The following DNAH9 variants were observed in gnomAD, a reference collection of about 807,000 sequenced individuals.
DNAH9 encodes DNAH9 variant protein.
Under a neutral mutation model 471.6 loss-of-function variants are expected in DNAH9, and 345 were observed. The observed-to-expected ratio is 0.73, with a 90% CI of 0.67 to 0.80. The LOEUF (loss-of-function observed/expected upper bound fraction) is 0.80, where lower values mean the gene tolerates loss of function less well. Among genes scored for constraint, DNAH9 ranks in the 30% least tolerant of loss-of-function variants. The probability of loss-of-function intolerance (pLI) is 0.00; values close to 1 mark genes in which losing one functional copy is unlikely to be tolerated. For missense variants in DNAH9, 5,407 were observed against 5,609.2 expected (o/e 0.96, Z 1.15); for synonymous variants, 2,093 against 2,123.6 (o/e 0.99, Z 0.40).
intron 26 of DNAH9, among the ~76,000 whole-genome samples, chr17:11,718,221 A>C (rs905569820): frequency 1.8e-4 from 27 of 152,164 alleles, no homozygotes; most frequent in African/African-American, 5.3e-4. Context: ...CACTTAGCAT[A>C]ATGTTTTTGA....
intron 39 of DNAH9, 103 bp downstream of exon 39, chr17:11,781,277 C>T: frequency 8.0e-7 from 1 of 1,242,670 alleles, no homozygotes; most frequent in Admixed American, 2.8e-5. Context: ...CAGCATAGCT[C>T]TGGTGCCAGA....
At chr17:11,934,435 ATTTTTTTTTTTTTT>A (rs547023975) in intron 65 of DNAH9, among the ~76,000 whole-genome samples, 1,559 of 86,132 alleles carry the variant, frequency 0.018, 51 homozygotes, top group African/African-American at 0.066. Flanking sequence ...TGACAAACCC[ATTTTTTTTTTTTTT>A]TTTTTTTTTT....
At chr17:11,805,318 G>C (rs576938803) in intron 43 of DNAH9, among the ~76,000 whole-genome samples, 5 of 151,956 alleles carry the variant, frequency 3.3e-5, no homozygotes, top group African/African-American at 1.2e-4. Flanking sequence ...TTGTTCATGC[G>C]TTGAACCCCA....
chr17:11,853,409 C>T (rs984620580), intron 49 of DNAH9, among the ~76,000 whole-genome samples: 2 of 152,104 alleles, frequency 1.3e-5, no homozygotes, highest in African/African-American at 4.8e-5. Context: ...CTCTTTCAGC[C>T]GTGTCTTTCT....
chr17:11,698,574 A>G (rs1013458854), intron 22 of DNAH9, among the ~76,000 whole-genome samples: 1 of 151,756 alleles, frequency 6.6e-6, no homozygotes, highest in African/African-American at 2.4e-5. Context: ...GGGTACCTTC[A>G]CAGTTTACCT....
intron 7 of DNAH9, chr17:11,630,447 CAAAA>C (rs1375941228): frequency 6.6e-6 from 1 of 152,224 alleles, no homozygotes; most frequent in African/African-American, 2.4e-5. Context: ...AACAAACAAA[CAAAA>C]AACTGTATTG....
intron 12 of DNAH9, among the ~76,000 whole-genome samples, chr17:11,650,179 G>T (rs2073476546): frequency 6.6e-6 from 1 of 152,090 alleles, no homozygotes; most frequent in South Asian, 2.1e-4. Context: ...GCTGAGTAGG[G>T]TTTGCCCACT....
Position 11,647,215 on chromosome 17 carries a change from T to C in DNAH9, c.2097+17T>C. 2 of 1,611,808 alleles carry C rather than the reference T, an allele frequency of 1.2e-6. No individual in the cohort carries two copies. The highest frequency in any genetic ancestry group is 1.7e-6 in the Non-Finnish European group (2 of 1,178,410). ...AACCCACAGGTCAGTTGGCTGACAGTAGCTCTCTTTTGGGTTCCTGAAGAG... is the reference window on the plus strand; with the variant it reads ...AACCCACAGGTCAGTTGGCTGACAGCAGCTCTCTTTTGGGTTCCTGAAGAG... On this transcript the variant is annotated intron_variant, in intron 12 of 68. Transcript: ENST00000262442.
Position 11,937,377 on chromosome 17 carries a change from A to C in DNAH9, c.12515A>C (p.Glu4172Ala), listed in dbSNP as rs1974747690. 1 of 1,611,186 alleles carries C rather than the reference A, an allele frequency of 6.2e-7. No homozygotes were observed. The highest frequency in any genetic ancestry group is 8.5e-7 in the Non-Finnish European group (1 of 1,178,938). ...HQYIDAELPP[E>A]SPYLYGLHPN... ...TACATCGATGCTGAGCTGCCCCCAG[A>C]ATCCCCCTACCTCTATGGCCTCCAC... Residue 4172 changes from glutamate (E) to alanine (A), a missense_variant, in exon 66 of 69, where the codon GAA (glutamate) becomes GCA (alanine). Physicochemically the swap from Glu to Ala is moderately radical, Grantham distance 107. This residue lies in a region of DNAH9 where 4,636 missense variants were observed against 4,900.3 expected (regional missense o/e 0.95). Coordinates refer to ENST00000262442, the MANE Select transcript of DNAH9 (RefSeq NM_001372.4). This position sits in a 1 kb window ranked among gnomAD's most constrained non-coding sequence, Gnocchi z 4.1.
chr17:11,674,901 A>G (rs947836700), intron 17 of DNAH9, among the ~76,000 whole-genome samples: 7 of 152,314 alleles, frequency 4.6e-5, no homozygotes, highest in Admixed American at 3.3e-4. Context: ...AAATCTCTAT[A>G]TCTGGCAGGG....
At chr17:11,722,956 A>G (rs2075087256) in intron 27 of DNAH9, among the ~76,000 whole-genome samples, 1 of 152,078 alleles carries the variant, frequency 6.6e-6, no homozygotes, top group Admixed American at 6.5e-5. Context: ...TGTGGATACT[A>G]CACTTTTCCT....
rs1189509780 is a variant in DNAH9, at chr17:11,690,334, A to G, written c.4512A>G (p.Thr1504=). The G allele has an allele frequency of 2.5e-6, 4 of 1,614,186 alleles. No individual in the cohort carries two copies. The highest frequency in any genetic ancestry group is 2.2e-5 in the East Asian group (1 of 44,880). The stretch of plus-strand genomic sequence containing the variant: ...CGGGCTGGCAGAAGAAGCTGTCCAC[A>G]GTGGACGCTGTCATCTCTATCTGGT... The part of the protein sequence containing the change: ...EVSGWQKKLS[T]VDAVISIWFE... The change falls in exon 20 of 69, where the codon ACA becomes ACG. Residue 1504 remains threonine, a synonymous_variant. Transcript: ENST00000262442.
chr17:11,758,940 T>A (rs1967523784), intron 35 of DNAH9, among the ~76,000 whole-genome samples: 1 of 152,154 alleles, frequency 6.6e-6, no homozygotes, highest in Non-Finnish European at 1.5e-5. Flanking sequence ...CTCTGTGGCC[T>A]TGGGATGTAA....
chr17:11,633,499 A>G (rs554444603), intron 8 of DNAH9, among the ~76,000 whole-genome samples: 1 of 152,228 alleles, frequency 6.6e-6, no homozygotes, highest in Non-Finnish European at 1.5e-5. Context: ...CCCTGGATGG[A>G]TGGATCTGTG....
intron 67 of DNAH9, among the ~76,000 whole-genome samples, chr17:11,944,028 G>C (rs919867344): frequency 1.1e-4 from 16 of 152,192 alleles, no homozygotes; most frequent in Admixed American, 7.2e-4. Context: ...TTACCCATTC[G>C]ACTTCCAATT....
chr17:11,622,329 A>G (rs757370180), intron 6 of DNAH9, among the ~76,000 whole-genome samples: 3 of 152,212 alleles, frequency 2.0e-5, no homozygotes, highest in Non-Finnish European at 4.4e-5. Context: ...CACAGAGACT[A>G]TAAATAATTG....
Position 11,958,237 on chromosome 17 carries a change from CT to C in DNAH9, c.12844-3629del. Among the ~76,000 whole-genome samples, 3 of 152,290 alleles carry C rather than the reference CT, an allele frequency of 2.0e-5. 1 individual carries two copies. In the South Asian group the frequency reaches 6.2e-4, roughly 32 times the overall value. On this transcript the variant is annotated intron_variant, in intron 67 of 68. Transcript: ENST00000262442. ...GAAAACAATGGAGGCAGTAAAAACA[CT>C]GGTTGCCCAGAGTTAAGAGTGAGGA...
chr17:11,697,022 C>A, intron 22 of DNAH9, among the ~76,000 whole-genome samples: 1 of 152,130 alleles, frequency 6.6e-6, no homozygotes, highest in East Asian at 1.9e-4. Flanking sequence ...GCATGAGCCA[C>A]CACACCCAGC....
At chr17:11,909,435 A>C (rs920722194) in intron 61 of DNAH9, among the ~76,000 whole-genome samples, 1 of 152,140 alleles carries the variant, frequency 6.6e-6, no homozygotes, top group Admixed American at 6.6e-5. Flanking sequence ...GAGTTACTCA[A>C]ATTAGCCGGT....
Sources: gnomAD v4.1 joint callset for allele counts (sites outside exome capture counted in the v4.1 genomes callset) on GRCh38, gnomAD v4.1.1 for gene constraint, gnomAD v4.1.1 regional missense constraint, Gnocchi (gnomAD v3.1) non-coding constraint, MANE v1.5 for transcripts, NCBI Gene and HGNC (gene_info 2026-07-23, HGNC 2026-07-21) for gene names.